BLTP1: variants seen among roughly 807,000 people sequenced by gnomAD.
BLTP1 encodes fragile site-associated protein.
At chr4:122,167,996 C>A in the BLTP1 span, 1 of 694,548 alleles carries the variant, frequency 1.4e-6, no homozygotes, top group Non-Finnish European at 1.8e-6. Flanking sequence ...GAGCATACAA[C>A]ATTTTTGTTT....
At chr4:122,239,401 T>C in the BLTP1 span, 1 of 890,696 alleles carries the variant, frequency 1.1e-6, no homozygotes, top group Non-Finnish European at 1.6e-6. Context: ...GTAGATTTTC[T>C]TTTACTTGTA....
At chr4:122,306,054 A>G in the BLTP1 span, 1 of 1,598,800 alleles carries the variant, frequency 6.3e-7, no homozygotes, top group Non-Finnish European at 8.5e-7. Context: ...AGGTAAGATA[A>G]AGTCAATCAC....
At chr4:122,252,799 A>C in the BLTP1 span, among the ~76,000 whole-genome samples, 1 of 152,106 alleles carries the variant, frequency 6.6e-6, no homozygotes, top group African/African-American at 2.4e-5. Flanking sequence ...TAGGTCTGTG[A>C]GCAAACGTAG....
chr4:122,331,397 C>T, the BLTP1 span: 1 of 1,612,064 alleles, frequency 6.2e-7, no homozygotes, highest in Non-Finnish European at 8.5e-7. Context: ...TGGCCAACAA[C>T]ACCAGTCAAT....
At chr4:122,350,234 A>T in the BLTP1 span, 7 of 985,270 alleles carry the variant, frequency 7.1e-6, no homozygotes, top group African/African-American at 1.7e-5. Flanking sequence ...CTACCTGCCA[A>T]TGGAATTAGA....
At chr4:122,179,115 T>G in the BLTP1 span, among the ~76,000 whole-genome samples, 1 of 151,946 alleles carries the variant, frequency 6.6e-6, no homozygotes, top group Non-Finnish European at 1.5e-5. Context: ...CATGTCTCTA[T>G]AAAAATTTTA....
the BLTP1 span, among the ~76,000 whole-genome samples, chr4:122,330,322 G>A: frequency 6.6e-6 from 1 of 151,732 alleles, no homozygotes; most frequent in African/African-American, 2.4e-5. Flanking sequence ...CCTAGCAGCT[G>A]CTCTGTTTTG....
At chr4:122,264,040 G>T in the BLTP1 span, 1 of 825,304 alleles carries the variant, frequency 1.2e-6, no homozygotes, top group Non-Finnish European at 1.5e-6. Flanking sequence ...AGATAAGGAT[G>T]ACATGTGTTC....
the BLTP1 span, chr4:122,254,894 A>G: frequency 6.2e-7 from 1 of 1,613,888 alleles, no homozygotes; most frequent in Non-Finnish European, 8.5e-7. Flanking sequence ...AACAAATTGG[A>G]AACTGAGGGA....
At chr4:122,218,155 A>G in the BLTP1 span, among the ~76,000 whole-genome samples, 1 of 151,638 alleles carries the variant, frequency 6.6e-6, no homozygotes, top group Non-Finnish European at 1.5e-5. Context: ...TTGTCTTGTC[A>G]AAGAACCAGC....
chr4:122,264,373 A>C, the BLTP1 span: 1 of 1,611,518 alleles, frequency 6.2e-7, no homozygotes, highest in Non-Finnish European at 8.5e-7. Context: ...ATGATGTGGC[A>C]GGTGTAGAAG....
At chr4:122,240,305 T>G in the BLTP1 span, 1 of 1,614,120 alleles carries the variant, frequency 6.2e-7, no homozygotes, top group African/African-American at 1.3e-5. Context: ...CACCAACCAG[T>G]GAAGAAAGTT....
the BLTP1 span, chr4:122,175,919 G>T: frequency 7.5e-7 from 1 of 1,335,248 alleles, no homozygotes; most frequent in South Asian, 1.2e-5. Context: ...AACATGGTGA[G>T]TTTTCATTTT....
chr4:122,344,083 GTAAC>G, the BLTP1 span: 1 of 664,590 alleles, frequency 1.5e-6, no homozygotes, highest in Non-Finnish European at 1.9e-6. Flanking sequence ...CTTCTTATTA[GTAAC>G]TAACTCTTGA....
chr4:122,264,277 AC>A, the BLTP1 span: 1 of 1,606,344 alleles, frequency 6.2e-7, no homozygotes, highest in Non-Finnish European at 8.5e-7. Context: ...TTCCAACAAT[AC>A]CCTCAGCCTC....
the BLTP1 span, chr4:122,249,825 G>A: frequency 7.1e-7 from 1 of 1,410,476 alleles, no homozygotes; most frequent in Non-Finnish European, 9.4e-7. Flanking sequence ...ATTTACCGGG[G>A]GTGAGTGCCT....
chr4:122,281,234 T>C, the BLTP1 span: 1 of 859,996 alleles, frequency 1.2e-6, no homozygotes, highest in Non-Finnish European at 1.4e-6. Context: ...AATAGTTAAG[T>C]GATAGAATTT....
At chr4:122,265,167 C>G in the BLTP1 span, among the ~76,000 whole-genome samples, 1 of 152,094 alleles carries the variant, frequency 6.6e-6, no homozygotes, top group Admixed American at 6.5e-5. Flanking sequence ...CAACCCCCTA[C>G]CCACCCTCTG....
chr4:122,230,247 G>T, the BLTP1 span: 1 of 1,563,628 alleles, frequency 6.4e-7, no homozygotes, highest in East Asian at 2.3e-5. Flanking sequence ...GTAGTCTCCT[G>T]TTCAGATGAA....
Sources: allele counts gnomAD v4.1 joint callset (sites outside exome capture counted in the v4.1 genomes callset), GRCh38; gene constraint gnomAD v4.1.1; transcripts MANE v1.5; gene names NCBI Gene and HGNC (gene_info 2026-07-23, HGNC 2026-07-21).